The following ATP8B2 variants were observed in gnomAD, a reference collection of about 807,000 sequenced individuals.
ATP8B2 encodes the protein ATPase phospholipid transporting 8B2, also known as phospholipid-transporting ATPase ID.
In ATP8B2, 70 loss-of-function variants were observed where a neutral mutation model predicts 133.4. That is an observed-to-expected ratio of 0.52 (90% CI 0.43 to 0.64). The LOEUF is 0.64. Ranked by LOEUF, ATP8B2 falls within the 30% of genes least tolerant of loss-of-function variation. The probability of loss-of-function intolerance (pLI) is 0.00; values close to 1 mark genes in which losing one functional copy is unlikely to be tolerated. For missense variants in ATP8B2, 1,101 were observed against 1,535.7 expected, an observed-to-expected ratio of 0.72 and a Z score of 4.73; for synonymous variants, 517 against 589.5, an observed-to-expected ratio of 0.88 and a Z score of 1.78.
chr1:154,334,696 T>C lies in ATP8B2; in HGVS notation c.837+105T>C. On this transcript the variant is annotated intron_variant, in intron 11 of 27. Coordinates refer to ENST00000368489, the MANE Select transcript of ATP8B2 (RefSeq NM_001370597.1). This position sits in a 1 kb window ranked among gnomAD's most constrained non-coding sequence, Gnocchi z 4.6. Reference sequence around the variant, plus strand: ...TGGTCAGTAGACTTCAGGTTTGGCTTTAAAGCTGCTAGCAGGTCAGCTACA... The same window carrying C: ...TGGTCAGTAGACTTCAGGTTTGGCTCTAAAGCTGCTAGCAGGTCAGCTACA... 1.1e-6 allele frequency: 1 copy of C among 917,956 alleles called. No individual in the cohort carries two copies. 56.9% of individuals were successfully genotyped at this position (917,956 alleles called of 1,614,324 possible). A position where few individuals can be genotyped will look rare whatever the true frequency, so the allele number is the denominator to read the frequency against.
intron 12 of ATP8B2, among the ~76,000 whole-genome samples, chr1:154,339,733 G>A (rs1461046116): frequency 6.6e-6 from 1 of 152,156 alleles, no homozygotes; most frequent in Non-Finnish European, 1.5e-5. Flanking sequence ...CCTGGTAATG[G>A]GATCCTGATA....
chr1:154,329,109 A>C, intron 2 of ATP8B2: 4 of 1,236,764 alleles, frequency 3.2e-6, no homozygotes, highest in Non-Finnish European at 4.2e-6. Flanking sequence ...GCTCTCCCGC[A>C]CCCATTATTT....
rs1383265736 is a variant in ATP8B2, at chr1:154,341,046, C to T, written c.1227C>T (p.Ile409=). 2 of 1,614,050 alleles carry T rather than the reference C, an allele frequency of 1.2e-6. No homozygotes were observed. The highest frequency in any genetic ancestry group is 1.7e-6 in the Non-Finnish European group (2 of 1,180,018). ...TCATGGTTTTCAACAAGTGCTCCAT[C>T]AATGGCCACAGCTATGGTATGGTGG... The part of the protein sequence containing the change: ...QNIMVFNKCS[I]NGHSYGDVFD... The change falls in exon 13 of 28, where the codon ATC becomes ATT. Residue 409 remains isoleucine, a synonymous_variant. Transcript: ENST00000368489.
rs112864518 is a variant in ATP8B2 at position 154,350,079 on chromosome 1, CTT to C, written c.*971_*972del. On this transcript the variant is annotated 3_prime_UTR_variant, in exon 28 of 28. Transcript: ENST00000368489. ...TTTTCTTTTTTCTTTTTCTTTTTTT[CTT>C]TTTTTTTTTGAGATGGAGTCTCACT... 2.8e-5 allele frequency: 4 copies of C among 145,208 alleles called. No individual in the cohort carries two copies. 9.0% of individuals were successfully genotyped at this position (145,208 alleles called of 1,614,324 possible).
Position 154,344,695 on chromosome 1 carries a change from C to G in ATP8B2, c.2196C>G (p.Thr732=). Residue 732 remains threonine, a synonymous_variant, in exon 21 of 28, where the codon ACC becomes ACG. Coordinates refer to ENST00000368489, the MANE Select transcript of ATP8B2 (RefSeq NM_001370597.1). The surrounding 1 kb of genome is among the most constrained non-coding windows in gnomAD (Gnocchi z 4.1). The part of the protein sequence containing the change: ...DSSRSVGNGF[T]YQDKLSSSKL... ...CCCGCTCCGTAGGCAACGGCTTCAC[C>G]TATCAGGACAAGCTTTCTTCTTCCA... 1 of 1,612,376 alleles carries G rather than the reference C, an allele frequency of 6.2e-7. No individual in the cohort carries two copies. The highest frequency in any genetic ancestry group is 1.1e-5 in the South Asian group (1 of 91,080).
intron 3 of ATP8B2, 127 bp downstream of exon 3, chr1:154,330,581 G>A (rs1685952207): frequency 1.0e-6 from 1 of 973,242 alleles, no homozygotes; most frequent in Non-Finnish European, 1.6e-6. Flanking sequence ...AACCTCCTCA[G>A]CCACTCTCCA....
rs1685996224 is a variant in ATP8B2, at chr1:154,331,640, G to T, written c.400G>T (p.Gly134Cys). 6.2e-7 allele frequency: 1 copy of T among 1,614,070 alleles called. No individual in the cohort carries two copies. The highest frequency in any genetic ancestry group is 8.5e-7 in the Non-Finnish European group (1 of 1,180,038). ...QQEQWMNVCV[G>C]DIIKLENNQF... ...GGAGCAGTGGATGAATGTCTGTGTT[G>T]GTGATATTATCAAGCTAGAAAATAA... Residue 134 changes from glycine (G) to cysteine (C), a missense_variant, in exon 7 of 28, where the codon GGT (glycine) becomes TGT (cysteine). Coordinates refer to ENST00000368489, the MANE Select transcript of ATP8B2 (RefSeq NM_001370597.1). This position sits in a 1 kb window ranked among gnomAD's most constrained non-coding sequence, Gnocchi z 4.8.
At chr1:154,327,854 C>T in intron 1 of ATP8B2, 1 of 1,613,688 alleles carries the variant, frequency 6.2e-7, no homozygotes, top group Non-Finnish European at 8.5e-7. Context: ...CTTCTCCTTT[C>T]CCTACAGGCA....
In ATP8B2 at chr1:154,340,925, G is replaced by C; in HGVS notation, c.1106G>C (p.Arg369Pro). 2 of 1,614,150 alleles carry C rather than the reference G, an allele frequency of 1.2e-6. No homozygotes were observed. Among genetic ancestry groups the C allele is most frequent in the Non-Finnish European group, 1.7e-6 (2 of 1,180,022 alleles). Residue 369 changes from arginine to proline, a missense_variant, in exon 13 of 28, where the codon CGG becomes CCG. By Grantham distance (103) the Arg-to-Pro change is moderately radical. Coordinates refer to ENST00000368489, the MANE Select transcript of ATP8B2 (RefSeq NM_001370597.1). The surrounding 1 kb of genome is among the most constrained non-coding windows in gnomAD (Gnocchi z 4.0). ...AAGAAGATGTTCTGCATGAAGAAGC[G>C]GACGCCTGCAGAAGCCCGCACCACC... ...WDKKMFCMKK[R>P]TPAEARTTTL...
chr1:154,343,628 G>A lies in ATP8B2; in HGVS notation c.1758+60G>A, dbSNP rs146631085. 5,857 of 1,489,892 alleles carry A rather than the reference G, an allele frequency of 3.9e-3. 17 individuals carry two copies. The highest frequency in any genetic ancestry group is 7.7e-3 in the South Asian group (679 of 88,070). The allele number at this position is 1,489,892 out of a possible 1,614,324, so 92.3% of individuals were successfully genotyped here. ...GTTCTACTCTTAGTGTGGGGGAGGC[G>A]ACTTAAGTTTGTTTTATTGTGTAAA... On this transcript the variant is annotated intron_variant, in intron 17 of 27. Transcript: ENST00000368489. The surrounding 1 kb of genome is among the most constrained non-coding windows in gnomAD (Gnocchi z 5.8).
At position 154,349,375 on chromosome 1, in the gene ATP8B2, G is replaced by T; in HGVS notation, c.*257G>T. 1 of 524,498 alleles carries T rather than the reference G, an allele frequency of 1.9e-6. No homozygotes were observed. Among genetic ancestry groups the T allele is most frequent in the South Asian group, 2.9e-5 (1 of 34,590 alleles). The allele number at this position is 524,498 out of a possible 1,614,324, so 32.5% of individuals were successfully genotyped here. The stretch of plus-strand genomic sequence containing the variant: ...GCACGGGGAGCCAGCCCCACTCGGG[G>T]ACCAGAAGTGGAACCAAAAACAAGA... On this transcript the variant is annotated 3_prime_UTR_variant, in exon 28 of 28. Coordinates refer to ENST00000368489, the MANE Select transcript of ATP8B2 (RefSeq NM_001370597.1).
At chr1:154,327,128 G>A (rs1055381055) in intron 1 of ATP8B2, among the ~76,000 whole-genome samples, 2 of 152,212 alleles carry the variant, frequency 1.3e-5, no homozygotes. Context: ...AGCCAGACAG[G>A]CAATTAGTAT....
At chr1:154,326,680 T>G (rs1490630386) in intron 1 of ATP8B2, among the ~76,000 whole-genome samples, 1 of 152,178 alleles carries the variant, frequency 6.6e-6, no homozygotes, top group Non-Finnish European at 1.5e-5. Flanking sequence ...CTGGTCCATA[T>G]CCAGACTCCT....
chr1:154,328,257 C>G lies in ATP8B2; in HGVS notation c.31+85C>G, dbSNP rs184489042. 1 of 1,408,084 alleles carries G rather than the reference C, an allele frequency of 7.1e-7. No homozygotes were observed. The highest frequency in any genetic ancestry group is 1.4e-5 in the African/African-American group (1 of 70,438). 87.2% of individuals were successfully genotyped at this position (1,408,084 alleles called of 1,614,324 possible). A position where few individuals can be genotyped will look rare whatever the true frequency, so the allele number is the denominator to read the frequency against. The stretch of plus-strand genomic sequence containing the variant: ...CAGGGAGCAAAAGGAAAAGGGACAA[C>G]TGGTATGGGTCTGAGGGAGGGTAGC... On this transcript the variant is annotated intron_variant, in intron 2 of 27. Transcript: ENST00000368489. This position sits in a 1 kb window ranked among gnomAD's most constrained non-coding sequence, Gnocchi z 4.6.
chr1:154,340,780 G>A lies in ATP8B2; in HGVS notation c.1035-74G>A. ...TTGTCTCTCCCCAGGCGGAGGGCCTGCAGCGAAGGCCCATGTGGGTGGGGC... is the reference window on the plus strand; with the variant it reads ...TTGTCTCTCCCCAGGCGGAGGGCCTACAGCGAAGGCCCATGTGGGTGGGGC... On this transcript the variant is annotated intron_variant, in intron 12 of 27. Transcript: ENST00000368489. This position sits in a 1 kb window ranked among gnomAD's most constrained non-coding sequence, Gnocchi z 4.0. 1 of 1,377,074 alleles carries A rather than the reference G, an allele frequency of 7.3e-7. No homozygotes were observed. Among genetic ancestry groups the A allele is most frequent in the Non-Finnish European group, 1.0e-6 (1 of 970,784 alleles). 85.3% of individuals were successfully genotyped at this position (1,377,074 alleles called of 1,614,324 possible).
intron 8 of ATP8B2, among the ~76,000 whole-genome samples, chr1:154,332,301 G>A (rs1300928199): frequency 1.3e-5 from 2 of 152,194 alleles, no homozygotes; most frequent in African/African-American, 2.4e-5. Flanking sequence ...TGGGAGGCCA[G>A]TGTGGGAGGA....
At chr1:154,342,038 A>T (rs1392623907) in intron 13 of ATP8B2, among the ~76,000 whole-genome samples, 1 of 151,976 alleles carries the variant, frequency 6.6e-6, no homozygotes, top group East Asian at 1.9e-4. Context: ...TGCTGCTGGG[A>T]TGGCCTGGGG....
Position 154,328,192 on chromosome 1 carries a change from G to T in ATP8B2, c.31+20G>T, listed in dbSNP as rs1685855169. On this transcript the variant is annotated intron_variant, in intron 2 of 27. Coordinates refer to ENST00000368489, the MANE Select transcript of ATP8B2 (RefSeq NM_001370597.1). The surrounding 1 kb of genome is among the most constrained non-coding windows in gnomAD (Gnocchi z 4.6). ...CCCCAGGTAAGACAGGCAAGGAGGG[G>T]AGATCCCGGGAACCATCAAGAGTGG... 3 of 1,606,844 alleles carry T rather than the reference G, an allele frequency of 1.9e-6. No homozygotes were observed. The highest frequency in any genetic ancestry group is 4.5e-5 in the East Asian group (2 of 44,850).
At position 154,331,987 on chromosome 1, in the gene ATP8B2, C is replaced by T. The variant is rs756407868; in HGVS notation, c.472C>T (p.His158Tyr). ...DLLLLSSSEP[H>Y]GLCYIETAEL... Reference sequence around the variant, plus strand: ...CCTCCTCCTTTCCAGCAGTGAGCCCCATGGGCTGTGTTACATAGAGACAGC... The same window carrying T: ...CCTCCTCCTTTCCAGCAGTGAGCCCTATGGGCTGTGTTACATAGAGACAGC... The change falls in exon 8 of 28, where the codon CAT (histidine) becomes TAT (tyrosine). Residue 158 changes from histidine (H) to tyrosine (Y), a missense_variant. Physicochemically the swap from His to Tyr is moderately conservative, Grantham distance 83. Transcript: ENST00000368489. The surrounding 1 kb of genome is among the most constrained non-coding windows in gnomAD (Gnocchi z 4.8). The T allele has an allele frequency of 6.2e-7, 1 of 1,614,114 alleles. No individual in the cohort carries two copies. Among genetic ancestry groups the T allele is most frequent in the Non-Finnish European group, 8.5e-7 (1 of 1,179,984 alleles).
Sources: gnomAD v4.1 joint callset for allele counts (sites outside exome capture counted in the v4.1 genomes callset) on GRCh38, gnomAD v4.1.1 for gene constraint, Gnocchi (gnomAD v3.1) non-coding constraint, MANE v1.5 for transcripts, NCBI Gene and HGNC (gene_info 2026-07-23, HGNC 2026-07-21) for gene names.